STK39: variants seen among roughly 807,000 people sequenced by gnomAD.
STK39 encodes serine/threonine kinase 39.
Under a neutral mutation model 77.8 loss-of-function variants are expected in STK39, and 20 were observed. The ratio of observed to expected loss-of-function variants is 0.26; its 90% confidence interval spans 0.18 to 0.37. The LOEUF (loss-of-function observed/expected upper bound fraction) is 0.37, where lower values mean the gene tolerates loss of function less well. Among genes scored for constraint, STK39 ranks in the 10% least tolerant of loss-of-function variants. The pLI is 1.00. For synonymous variants in STK39, 246 were observed against 234.1 expected, an observed-to-expected ratio of 1.05 and a Z score of -0.47; for missense variants, 479 against 656.5, an observed-to-expected ratio of 0.73 and a Z score of 2.95.
intron 16 of STK39, among the ~76,000 whole-genome samples, chr2:167,983,208 G>A (rs1429887671): frequency 6.6e-6 from 1 of 152,076 alleles, no homozygotes; most frequent in Non-Finnish European, 1.5e-5. Flanking sequence ...GGCCAGGTGC[G>A]GTGGTTCGTG....
At position 168,021,707 on chromosome 2, in the gene STK39, T is replaced by A. The variant is rs548483607; in HGVS notation, c.1377-4612A>T. On this transcript the variant is annotated intron_variant, in intron 14 of 17. Coordinates refer to ENST00000355999, the MANE Select transcript of STK39 (RefSeq NM_013233.3). ...ATCCTTTTAATCTTAAAATAAAAAC[T>A]CTTAAATTTGGTAAGGTACAGCCTC... Among the ~76,000 whole-genome samples, 5 of 152,214 alleles carry A rather than the reference T, an allele frequency of 3.3e-5. No individual in the cohort carries two copies. In the South Asian group the frequency reaches 1.0e-3, roughly 32 times the overall value.
chr2:168,222,002 T>C (rs990660337), intron 1 of STK39, among the ~76,000 whole-genome samples: 1 of 152,170 alleles, frequency 6.6e-6, no homozygotes, highest in Non-Finnish European at 1.5e-5. Context: ...GGAAGAACTT[T>C]CCTAACCCAC....
At chr2:168,114,264 G>A (rs1687199836) in intron 10 of STK39, among the ~76,000 whole-genome samples, 1 of 152,184 alleles carries the variant, frequency 6.6e-6, no homozygotes, top group Non-Finnish European at 1.5e-5. Context: ...AGAGCAGGAT[G>A]AAATTCACTA....
intron 13 of STK39, 76 bp downstream of exon 13, chr2:168,065,243 T>C (rs1685763269): frequency 2.0e-6 from 3 of 1,494,958 alleles, no homozygotes; most frequent in Admixed American, 3.4e-5. Context: ...AAATTGTCTA[T>C]CTTTCTAAAA....
chr2:168,034,069 T>A (rs1684892490), intron 14 of STK39, among the ~76,000 whole-genome samples: 1 of 152,058 alleles, frequency 6.6e-6, no homozygotes, highest in African/African-American at 2.4e-5. Context: ...TAAACAAGAG[T>A]GTAGGTATCA....
chr2:168,117,991 C>T (rs1360492790), intron 10 of STK39, among the ~76,000 whole-genome samples: 5 of 152,108 alleles, frequency 3.3e-5, no homozygotes, highest in Middle Eastern at 3.4e-3. Flanking sequence ...TTAGTTTTTC[C>T]GCAACTCTAG....
chr2:168,083,654 G>C (rs1686296710), intron 10 of STK39, among the ~76,000 whole-genome samples: 1 of 152,094 alleles, frequency 6.6e-6, no homozygotes, highest in Non-Finnish European at 1.5e-5. Context: ...CCAGCAAGCA[G>C]AGAAAGCAAA....
At position 168,134,613 on chromosome 2, in the gene STK39, G is replaced by A. The variant is rs2105517021; in HGVS notation, c.974+3475C>T. Among the ~76,000 whole-genome samples the A allele has an allele frequency of 2.0e-5, 3 of 151,886 alleles. 1 individual carries two copies. In the South Asian group the frequency reaches 6.2e-4, roughly 32 times the overall value. ...TTTTATTTTTAAGGAATAGCAAGAT[G>A]TTCTGGTATGCAAATATAAGCAACT... On this transcript the variant is annotated intron_variant, in intron 8 of 17. Coordinates refer to ENST00000355999, the MANE Select transcript of STK39 (RefSeq NM_013233.3).
chr2:168,233,235 A>C (rs1418051309), intron 1 of STK39, among the ~76,000 whole-genome samples: 1 of 152,224 alleles, frequency 6.6e-6, no homozygotes, highest in East Asian at 1.9e-4. Context: ...AAATGTTTCC[A>C]CAACAACTTG....
chr2:167,964,647 T>C lies in STK39; in HGVS notation c.1563+15A>G. ...GCAAAATATTACCTCCTTCTTTCCATAACTTTCCACTTACCAACTTAAATG... is the reference window on the plus strand; with the variant it reads ...GCAAAATATTACCTCCTTCTTTCCACAACTTTCCACTTACCAACTTAAATG... On this transcript the variant is annotated intron_variant, in intron 17 of 17. Transcript: ENST00000355999. The C allele has an allele frequency of 6.2e-7, 1 of 1,605,590 alleles. No homozygotes were observed. The highest frequency in any genetic ancestry group is 8.5e-7 in the Non-Finnish European group (1 of 1,173,998).
At chr2:168,007,583 G>A (rs1037586815) in intron 16 of STK39, among the ~76,000 whole-genome samples, 1 of 152,166 alleles carries the variant, frequency 6.6e-6, no homozygotes, top group Admixed American at 6.5e-5. Context: ...ATAAGAAAGA[G>A]GGTAGAGAGT....
In STK39 at chr2:168,027,255, G is replaced by T. The variant is rs923994810; in HGVS notation, c.1377-10160C>A. 1.3e-4 allele frequency among the ~76,000 whole-genome samples: 20 copies of T among 152,192 alleles called. No homozygotes were observed. The East Asian group carries it at 3.7e-3, about 28-fold the overall frequency. On this transcript the variant is annotated intron_variant, in intron 14 of 17. Transcript: ENST00000355999. ...TATCTCCAGCCACCATGGGCCATAT[G>T]CTCCAAGGCTGTGAGAATAGTAGCT...
intron 1 of STK39, among the ~76,000 whole-genome samples, chr2:168,241,630 C>T (rs145221650): frequency 1.1e-3 from 165 of 152,254 alleles, no homozygotes; most frequent in African/African-American, 3.7e-3. Flanking sequence ...AGGGAACAAC[C>T]TCTCTTTCCC....
chr2:168,128,081 T>G (rs954753434), intron 10 of STK39, among the ~76,000 whole-genome samples: 1 of 152,196 alleles, frequency 6.6e-6, no homozygotes, highest in African/African-American at 2.4e-5. Context: ...AGCTGGAGTG[T>G]GAGGCCAAAG....
At chr2:168,162,348 C>T (rs1195047717) in intron 4 of STK39, among the ~76,000 whole-genome samples, 2 of 147,364 alleles carry the variant, frequency 1.4e-5, no homozygotes, top group Non-Finnish European at 3.0e-5. Context: ...ATAGTTTACT[C>T]GTGGGGGAGA....
intron 5 of STK39, among the ~76,000 whole-genome samples, chr2:168,141,720 C>T (rs954403825): frequency 1.3e-5 from 2 of 152,282 alleles, no homozygotes; most frequent in African/African-American, 2.4e-5. Flanking sequence ...CACCACAGCG[C>T]AATGTGCAGT....
chr2:167,965,126 AAAAAAAAAC>A (rs933974857), intron 16 of STK39, among the ~76,000 whole-genome samples: 14 of 88,472 alleles, frequency 1.6e-4, no homozygotes, highest in Non-Finnish European at 2.1e-4. Context: ...AGTGGGGAGA[AAAAAAAAAC>A]AAAAAAAAAC....
chr2:167,972,644 G>A (rs1215426312), intron 16 of STK39, among the ~76,000 whole-genome samples: 1 of 152,112 alleles, frequency 6.6e-6, no homozygotes, highest in East Asian at 1.9e-4. Flanking sequence ...TTGGCCATTT[G>A]GCTAGCCAGG....
intron 17 of STK39, among the ~76,000 whole-genome samples, chr2:167,964,052 C>T (rs2105530215): frequency 6.6e-6 from 1 of 152,134 alleles, no homozygotes; most frequent in Middle Eastern, 3.4e-3. Flanking sequence ...TCACAGTGAC[C>T]CCAGAATGTC....
Sources: allele counts gnomAD v4.1 joint callset (sites outside exome capture counted in the v4.1 genomes callset), GRCh38; gene constraint gnomAD v4.1.1; transcripts MANE v1.5; gene names NCBI Gene and HGNC (gene_info 2026-07-23, HGNC 2026-07-21).